LAMA2: variants seen among roughly 807,000 people sequenced by gnomAD.
LAMA2 encodes laminin subunit alpha-2.
A neutral mutation model predicts 364.8 loss-of-function variants in LAMA2; 269 were observed. That is an observed-to-expected ratio of 0.74 (90% confidence interval 0.67 to 0.82). The LOEUF is 0.82. Ranked by LOEUF, LAMA2 falls within the 40% of genes least tolerant of loss-of-function variation. The pLI is 0.00. For missense variants in LAMA2, 3,807 were observed against 3,873.2 expected (o/e 0.98, Z 0.45); for synonymous variants, 1,379 against 1,370.6 (o/e 1.01, Z -0.14).
chr6:129,403,006 T>C (rs1247309903), intron 39 of LAMA2, among the ~76,000 whole-genome samples: 2 of 152,202 alleles, frequency 1.3e-5, no homozygotes, highest in Admixed American at 6.5e-5. Flanking sequence ...TAGCTGGGAT[T>C]ATTACAAAGG....
chr6:128,953,178 C>G (rs1188844221), intron 1 of LAMA2, among the ~76,000 whole-genome samples: 1 of 152,120 alleles, frequency 6.6e-6, no homozygotes, highest in Non-Finnish European at 1.5e-5. Flanking sequence ...TCATAGCTAG[C>G]AAATGACAAC....
intron 1 of LAMA2, among the ~76,000 whole-genome samples, chr6:128,952,208 AT>A (rs779544271): frequency 2.0e-5 from 3 of 152,018 alleles, no homozygotes; most frequent in Non-Finnish European, 4.4e-5. Flanking sequence ...ATTCAAACAT[AT>A]TTTTCTGAAT....
At chr6:129,066,075 T>G (rs1789313153) in intron 3 of LAMA2, among the ~76,000 whole-genome samples, 1 of 127,644 alleles carries the variant, frequency 7.8e-6, no homozygotes, top group African/African-American at 3.0e-5. Context: ...AGACGCAGTC[T>G]CGCTCTGTCG....
At chr6:129,075,260 G>A (rs940936293) in intron 3 of LAMA2, among the ~76,000 whole-genome samples, 23 of 152,102 alleles carry the variant, frequency 1.5e-4, no homozygotes, top group African/African-American at 5.6e-4. Context: ...GGGGTGCTGA[G>A]GAAAGGAAAG....
chr6:129,317,958 C>T (rs1774718256), intron 27 of LAMA2, among the ~76,000 whole-genome samples: 1 of 151,778 alleles, frequency 6.6e-6, no homozygotes, highest in Non-Finnish European at 1.5e-5. Flanking sequence ...ACATACCTCA[C>T]CAAATGAGAT....
intron 1 of LAMA2, among the ~76,000 whole-genome samples, chr6:128,994,479 A>C (rs925996904): frequency 5.3e-5 from 8 of 152,214 alleles, no homozygotes; most frequent in African/African-American, 1.9e-4. Context: ...TATTTAGTTG[A>C]GTAATTCTTG....
intron 4 of LAMA2, among the ~76,000 whole-genome samples, chr6:129,130,871 G>A (rs1777430927): frequency 6.6e-6 from 1 of 152,068 alleles, no homozygotes; most frequent in African/African-American, 2.4e-5. Flanking sequence ...TGGGAGGGAA[G>A]GATAAATGAA....
chr6:129,123,878 T>A (rs1776955190), intron 4 of LAMA2, among the ~76,000 whole-genome samples: 1 of 152,268 alleles, frequency 6.6e-6, no homozygotes, highest in Non-Finnish European at 1.5e-5. Context: ...ACAAAGTCAA[T>A]CTTACAAATG....
chr6:129,329,425 G>A (rs904921105), intron 29 of LAMA2, among the ~76,000 whole-genome samples: 5 of 151,974 alleles, frequency 3.3e-5, no homozygotes, highest in Admixed American at 6.5e-5. Context: ...GGGCAGTGGC[G>A]ATCCTGGCTC....
At chr6:129,459,042 A>G (rs1444390160) in intron 48 of LAMA2, among the ~76,000 whole-genome samples, 4 of 152,052 alleles carry the variant, frequency 2.6e-5, no homozygotes, top group Non-Finnish European at 1.5e-5. Context: ...ACATTCTGAG[A>G]AAGTTGGAAT....
intron 35 of LAMA2, among the ~76,000 whole-genome samples, chr6:129,389,345 C>T (rs754039536): frequency 1.4e-4 from 21 of 152,252 alleles, no homozygotes; most frequent in Non-Finnish European, 2.2e-4. Flanking sequence ...ATGCATTTCT[C>T]ATTTGTGAAG....
chr6:129,253,120 T>C (rs1786385495), intron 14 of LAMA2, among the ~76,000 whole-genome samples: 1 of 152,222 alleles, frequency 6.6e-6, no homozygotes, highest in South Asian at 2.1e-4. Context: ...GCTTTGTTTT[T>C]TTTATTTTTA....
Position 129,381,410 on chromosome 6 carries a change from C to T in LAMA2, c.4960-1712C>T, listed in dbSNP as rs555734198. Among the ~76,000 whole-genome samples the T allele has an allele frequency of 5.3e-5, 8 of 151,800 alleles. No individual in the cohort carries two copies. In the East Asian group the frequency reaches 5.8e-4, roughly 11 times the overall value. On this transcript the variant is annotated intron_variant, in intron 34 of 64. Coordinates refer to ENST00000421865, the MANE Select transcript of LAMA2 (RefSeq NM_000426.4). Reference sequence around the variant, plus strand: ...AGGCTGGAGTGCAGTGGCGTGATCTCGGCTCACTGCCAAGCTGTTGACCTT... The same window carrying T: ...AGGCTGGAGTGCAGTGGCGTGATCTTGGCTCACTGCCAAGCTGTTGACCTT...
At chr6:128,997,786 C>T (rs1297906792) in intron 1 of LAMA2, among the ~76,000 whole-genome samples, 1 of 152,024 alleles carries the variant, frequency 6.6e-6, no homozygotes, top group African/African-American at 2.4e-5. Context: ...CAGAGCGAGA[C>T]TCTGTCTCAA....
chr6:129,172,497 G>A (rs930703787), intron 9 of LAMA2, among the ~76,000 whole-genome samples: 5 of 152,198 alleles, frequency 3.3e-5, no homozygotes, highest in Admixed American at 6.5e-5. Context: ...AGGGGTCAGG[G>A]GTCAGGGACC....
intron 4 of LAMA2, among the ~76,000 whole-genome samples, chr6:129,108,115 C>A (rs1261760651): frequency 6.6e-6 from 1 of 151,640 alleles, no homozygotes; most frequent in Non-Finnish European, 1.5e-5. Context: ...ATTTCTTAAC[C>A]TCTTTATCTT....
intron 15 of LAMA2, among the ~76,000 whole-genome samples, chr6:129,264,033 C>T (rs57884541): frequency 0.014 from 2,128 of 152,212 alleles, 55 homozygotes; most frequent in African/African-American, 0.049. Context: ...CATGGGCCAA[C>T]GCACCCAGCC....
chr6:129,474,717 A>T (rs1174082531), intron 52 of LAMA2, among the ~76,000 whole-genome samples: 2 of 152,182 alleles, frequency 1.3e-5, no homozygotes, highest in Non-Finnish European at 2.9e-5. Context: ...TTATCATAAA[A>T]TAATTTTTAG....
intron 1 of LAMA2, among the ~76,000 whole-genome samples, chr6:129,048,937 T>G (rs985665095): frequency 6.6e-6 from 1 of 151,956 alleles, no homozygotes; most frequent in Non-Finnish European, 1.5e-5. Context: ...CTATCAGAAG[T>G]TGAATTGATA....
Sources: allele counts gnomAD v4.1 joint callset (sites outside exome capture counted in the v4.1 genomes callset), GRCh38; gene constraint gnomAD v4.1.1; transcripts MANE v1.5; gene names NCBI Gene and HGNC (gene_info 2026-07-23, HGNC 2026-07-21).